The following CHMP3 variants were observed in gnomAD, a reference collection of about 807,000 sequenced individuals.
The protein encoded by CHMP3 is 25.1 protein.
A neutral mutation model predicts 27.4 loss-of-function variants in CHMP3; 8 were observed. That is an observed-to-expected ratio of 0.29 (90% CI 0.17 to 0.53). The LOEUF is 0.53. Ranked by LOEUF, CHMP3 falls within the 20% of genes least tolerant of loss-of-function variation. The pLI, the probability that CHMP3 is intolerant of heterozygous loss-of-function variation, is 0.96. For synonymous variants in CHMP3, 86 were observed against 85.5 expected (o/e 1.01, Z -0.03); for missense variants, 208 against 271.5 (o/e 0.77, Z 1.64).
chr2:86,544,104 C>T (rs1676463514), intron 1 of CHMP3, among the ~76,000 whole-genome samples: 1 of 152,180 alleles, frequency 6.6e-6, no homozygotes, highest in African/African-American at 2.4e-5. Context: ...TTTCAAGGTG[C>T]CTCCATGTTG....
At chr2:86,554,931 C>T (rs1013517649) in intron 1 of CHMP3, among the ~76,000 whole-genome samples, 2 of 150,830 alleles carry the variant, frequency 1.3e-5, no homozygotes, top group Non-Finnish European at 2.9e-5. Flanking sequence ...ACTGCGACCT[C>T]TGCCTCCTGT....
chr2:86,546,192 C>T (rs954177187), intron 1 of CHMP3, among the ~76,000 whole-genome samples: 12 of 152,190 alleles, frequency 7.9e-5, no homozygotes, highest in African/African-American at 1.2e-4. Flanking sequence ...GAAACCCCGT[C>T]GTCTCCACCA....
intron 1 of CHMP3, among the ~76,000 whole-genome samples, chr2:86,553,687 T>C (rs1677001049): frequency 6.6e-6 from 1 of 152,174 alleles, no homozygotes; most frequent in African/African-American, 2.4e-5. Context: ...CGCTGAATCC[T>C]AAGTTTTAAA....
At chr2:86,520,252 A>G (rs193243087) in intron 3 of CHMP3, among the ~76,000 whole-genome samples, 14 of 152,326 alleles carry the variant, frequency 9.2e-5, no homozygotes, top group African/African-American at 3.4e-4. Flanking sequence ...TAAAGAAAAG[A>G]GGTTTAATCA....
intron 3 of CHMP3, among the ~76,000 whole-genome samples, chr2:86,528,967 G>A (rs17027287): frequency 0.019 from 2,904 of 152,262 alleles, 118 homozygotes; most frequent in African/African-American, 0.067. Flanking sequence ...CTCAGGCCAC[G>A]TGATAACACT....
At chr2:86,524,591 G>A (rs1426744937) in intron 3 of CHMP3, among the ~76,000 whole-genome samples, 1 of 152,114 alleles carries the variant, frequency 6.6e-6, no homozygotes, top group Admixed American at 6.6e-5. Context: ...ATATGTGTAG[G>A]TTATATGCAA....
At chr2:86,533,687 T>C (rs942069912) in intron 2 of CHMP3, among the ~76,000 whole-genome samples, 4 of 152,282 alleles carry the variant, frequency 2.6e-5, no homozygotes, top group Admixed American at 2.6e-4. Flanking sequence ...GTATTTTTGA[T>C]AGAGACAGGG....
chr2:86,540,289 C>T (rs1676312028), intron 2 of CHMP3, among the ~76,000 whole-genome samples: 1 of 152,130 alleles, frequency 6.6e-6, no homozygotes, highest in South Asian at 2.1e-4. Context: ...CCTGACCCCT[C>T]TTCTCCTGAG....
At chr2:86,562,838 C>G (rs1477449138) in intron 1 of CHMP3, 2 of 155,630 alleles carry the variant, frequency 1.3e-5, no homozygotes, top group African/African-American at 4.8e-5. Context: ...TCTTTTTCAA[C>G]ACAACAGGGA....
intron 3 of CHMP3, among the ~76,000 whole-genome samples, chr2:86,522,030 A>C (rs1448113225): frequency 6.6e-6 from 1 of 152,160 alleles, no homozygotes; most frequent in East Asian, 1.9e-4. Context: ...TCTTCCAATC[A>C]AAACACACTC....
intron 2 of CHMP3, among the ~76,000 whole-genome samples, chr2:86,534,784 T>C (rs1346039245): frequency 6.6e-6 from 1 of 152,240 alleles, no homozygotes; most frequent in African/African-American, 2.4e-5. Flanking sequence ...CCCTGCTGTC[T>C]TTTATTTACT....
chr2:86,526,053 C>T (rs1675697854), intron 3 of CHMP3, among the ~76,000 whole-genome samples: 1 of 152,158 alleles, frequency 6.6e-6, no homozygotes, highest in Non-Finnish European at 1.5e-5. Context: ...AGAGCAAATA[C>T]TTTACTTTTC....
intron 2 of CHMP3, among the ~76,000 whole-genome samples, chr2:86,536,613 C>T (rs1375173892): frequency 6.6e-6 from 1 of 152,172 alleles, no homozygotes; most frequent in Non-Finnish European, 1.5e-5. Flanking sequence ...TTCTCTCTTG[C>T]TCCTTTTAAG....
intron 1 of CHMP3, among the ~76,000 whole-genome samples, chr2:86,545,848 G>A (rs941261326): frequency 7.3e-5 from 11 of 150,286 alleles, no homozygotes; most frequent in East Asian, 2.0e-4. Context: ...CAGACAGGGC[G>A]GCAGGGCAGA....
Position 86,505,602 on chromosome 2 carries a change from A to G in CHMP3, c.*202T>C. Reference sequence around the variant, plus strand: ...CCCACAATAAGATATATCTGTCTATACTCCTAAAAATGATGCATTTATTTA... The same window carrying G: ...CCCACAATAAGATATATCTGTCTATGCTCCTAAAAATGATGCATTTATTTA... On this transcript the variant is annotated 3_prime_UTR_variant, in exon 6 of 6. Coordinates refer to ENST00000263856, the MANE Select transcript of CHMP3 (RefSeq NM_016079.4). 1 of 570,518 alleles carries G rather than the reference A, an allele frequency of 1.8e-6. No individual in the cohort carries two copies. Among genetic ancestry groups the G allele is most frequent in the Non-Finnish European group, 2.7e-6 (1 of 370,762 alleles). The allele number at this position is 570,518 out of a possible 1,614,324, so 35.3% of individuals were successfully genotyped here.
chr2:86,535,774 G>C (rs1044117944), intron 2 of CHMP3, among the ~76,000 whole-genome samples: 22 of 152,062 alleles, frequency 1.4e-4, no homozygotes, highest in Non-Finnish European at 2.8e-4. Context: ...CCAAAGTGCA[G>C]GGATTACAGG....
intron 3 of CHMP3, among the ~76,000 whole-genome samples, chr2:86,518,083 C>T (rs1207384252): frequency 6.6e-6 from 1 of 152,108 alleles, no homozygotes; most frequent in African/African-American, 2.4e-5. Flanking sequence ...CAACTTAAAA[C>T]AGGCATTTAC....
At chr2:86,515,566 C>T (rs1270489106) in intron 3 of CHMP3, among the ~76,000 whole-genome samples, 1 of 152,036 alleles carries the variant, frequency 6.6e-6, no homozygotes, top group Non-Finnish European at 1.5e-5. Context: ...GGTGATCCAC[C>T]CGCCTCAGCC....
intron 4 of CHMP3, among the ~76,000 whole-genome samples, chr2:86,508,599 G>T (rs1674976574): frequency 6.6e-6 from 1 of 152,160 alleles, no homozygotes; most frequent in South Asian, 2.1e-4. Flanking sequence ...TTTGTACCTT[G>T]ATGTTTTGGT....
Sources: allele counts gnomAD v4.1 joint callset (sites outside exome capture counted in the v4.1 genomes callset), GRCh38; gene constraint gnomAD v4.1.1; transcripts MANE v1.5; gene names NCBI Gene and HGNC (gene_info 2026-07-23, HGNC 2026-07-21).